MACROD1: variants seen among roughly 807,000 people sequenced by gnomAD.
MACROD1 encodes mono-ADP ribosylhydrolase 1, also known as ADP-ribose glycohydrolase MACROD1.
MACROD1 carries 31 observed loss-of-function variants against 41.4 expected under a neutral mutation model. That is an observed-to-expected ratio of 0.75 (90% confidence interval 0.56 to 1.01). The LOEUF (loss-of-function observed/expected upper bound fraction) is 1.01. Among genes scored for constraint, MACROD1 ranks in the 50% least tolerant of loss-of-function variants. MACROD1 has a pLI of 0.00. For missense variants in MACROD1, 473 were observed against 460.0 expected, an observed-to-expected ratio of 1.03 and a Z score of -0.26; for synonymous variants, 252 against 203.4, an observed-to-expected ratio of 1.24 and a Z score of -2.03.
At chr11:64,050,980 T>G (rs1280062450) in intron 3 of MACROD1, among the ~76,000 whole-genome samples, 1 of 152,228 alleles carries the variant, frequency 6.6e-6, no homozygotes, top group Non-Finnish European at 1.5e-5. Context: ...GCCTGTCCCC[T>G]GAGCCCCACT....
At chr11:63,999,611 C>T (rs1302402120) in intron 6 of MACROD1, 31 bp downstream of exon 6, 1 of 1,609,448 alleles carries the variant, frequency 6.2e-7, no homozygotes, top group Non-Finnish European at 8.5e-7. Context: ...TGCGCCCCGC[C>T]TCCCGCCCTC....
intron 3 of MACROD1, among the ~76,000 whole-genome samples, chr11:64,088,003 T>C (rs562416134): frequency 2.0e-5 from 3 of 152,136 alleles, no homozygotes; most frequent in African/African-American, 2.4e-5. Flanking sequence ...AGAGGGGCTG[T>C]GGTGTGGAAA....
intron 3 of MACROD1, among the ~76,000 whole-genome samples, chr11:64,110,555 A>AGCCAAGAATAAT (rs201072770): frequency 2.0e-5 from 3 of 152,074 alleles, no homozygotes; most frequent in Non-Finnish European, 4.4e-5. Context: ...CGACTGATAG[A>AGCCAAGAATAAT]GCCAAGAATA....
chr11:64,155,164 G>T (rs1286634684), intron 1 of MACROD1, among the ~76,000 whole-genome samples: 1 of 152,248 alleles, frequency 6.6e-6, no homozygotes, highest in Non-Finnish European at 1.5e-5. Flanking sequence ...CAAGACCAAA[G>T]GTTGAGGGCG....
intron 3 of MACROD1, among the ~76,000 whole-genome samples, chr11:64,057,248 G>A (rs1166841506): frequency 3.9e-5 from 6 of 152,234 alleles, no homozygotes; most frequent in East Asian, 3.8e-4. Context: ...CGTAGGGGAC[G>A]GGACAGCCCA....
At chr11:64,021,408 G>C (rs1285216305) in intron 3 of MACROD1, among the ~76,000 whole-genome samples, 3 of 152,248 alleles carry the variant, frequency 2.0e-5, no homozygotes, top group Non-Finnish European at 4.4e-5. Flanking sequence ...AGCCCAGGGA[G>C]GGGGGCTGCC....
chr11:64,091,219 C>T (rs960666848), intron 3 of MACROD1, among the ~76,000 whole-genome samples: 3 of 152,018 alleles, frequency 2.0e-5, no homozygotes, highest in Admixed American at 2.0e-4. Context: ...GTGGCAGCCT[C>T]CGCTGCAGGG....
At chr11:64,143,743 G>A (rs1292026669) in intron 3 of MACROD1, among the ~76,000 whole-genome samples, 1 of 71,482 alleles carries the variant, frequency 1.4e-5, no homozygotes, top group African/African-American at 8.9e-5. Flanking sequence ...CCCCAACCCC[G>A]ACACACACAT....
At position 64,090,514 on chromosome 11, in the gene MACROD1, C is replaced by T. The variant is rs532257475; in HGVS notation, c.517+60725G>A. ...GGCCAAATAACCACATTTGCTTCCCCGGGCCCTCCCTCGACCGGCTCTGCC... is the reference window on the plus strand; with the variant it reads ...GGCCAAATAACCACATTTGCTTCCCTGGGCCCTCCCTCGACCGGCTCTGCC... On this transcript the variant is annotated intron_variant, in intron 3 of 10. Coordinates refer to ENST00000255681, the MANE Select transcript of MACROD1 (RefSeq NM_014067.4). The surrounding 1 kb of genome is among the most constrained non-coding windows in gnomAD (Gnocchi z 4.7). Among the ~76,000 whole-genome samples the T allele has an allele frequency of 9.2e-5, 14 of 152,208 alleles. No homozygotes were observed. The highest frequency in any genetic ancestry group is 1.2e-4 in the Non-Finnish European group (8 of 67,998).
intron 3 of MACROD1, among the ~76,000 whole-genome samples, chr11:64,110,441 C>CT (rs1317838299): frequency 6.7e-6 from 1 of 148,834 alleles, no homozygotes; most frequent in East Asian, 2.0e-4. Flanking sequence ...CAGAGCGAGA[C>CT]TGTCTCAGAA....
At chr11:64,069,351 C>T (rs1944063749) in intron 3 of MACROD1, among the ~76,000 whole-genome samples, 1 of 152,168 alleles carries the variant, frequency 6.6e-6, no homozygotes, top group South Asian at 2.1e-4. Context: ...AGGAGGCTGC[C>T]AGAGGATGGG....
intron 1 of MACROD1, among the ~76,000 whole-genome samples, chr11:64,158,215 A>AGAGGATGGCTGGT (rs1945699247): frequency 6.6e-6 from 1 of 152,026 alleles, no homozygotes; most frequent in Non-Finnish European, 1.5e-5. Flanking sequence ...GTCACCAAGG[A>AGAGGATGGCTGGT]GAGGATGGCT....
At chr11:64,138,664 T>A in intron 3 of MACROD1, 1 of 510,132 alleles carries the variant, frequency 2.0e-6, no homozygotes, top group Non-Finnish European at 2.5e-6. Context: ...TTACCGCAAT[T>A]ACAATGTCCG....
chr11:64,125,807 T>C (rs1420888367), intron 3 of MACROD1, among the ~76,000 whole-genome samples: 1 of 152,220 alleles, frequency 6.6e-6, no homozygotes, highest in Non-Finnish European at 1.5e-5. Flanking sequence ...ACAGAGGCGC[T>C]GCAAGAAATC....
At chr11:64,033,820 G>A (rs1943324744) in intron 3 of MACROD1, among the ~76,000 whole-genome samples, 1 of 151,958 alleles carries the variant, frequency 6.6e-6, no homozygotes, top group African/African-American at 2.4e-5. Flanking sequence ...CAGCCTGGGC[G>A]ACAAGAGTGA....
intron 3 of MACROD1, among the ~76,000 whole-genome samples, chr11:64,086,555 G>A (rs1371356228): frequency 2.0e-5 from 3 of 152,104 alleles, no homozygotes; most frequent in African/African-American, 7.2e-5. Context: ...CAGCCACAAA[G>A]CCAGCCTTCC....
At position 64,000,523 on chromosome 11, in the gene MACROD1, G is replaced by T. The variant is rs554366492; in HGVS notation, c.548-180C>A. On this transcript the variant is annotated intron_variant, in intron 4 of 10. Coordinates refer to ENST00000255681, the MANE Select transcript of MACROD1 (RefSeq NM_014067.4). Reference sequence around the variant, plus strand: ...CCGCCCGGAATGTTTCACATCTGGGGAAACCGAGGCGCAGAGCGGGACGGC... The same window carrying T: ...CCGCCCGGAATGTTTCACATCTGGGTAAACCGAGGCGCAGAGCGGGACGGC... 6.4e-4 allele frequency among the ~76,000 whole-genome samples: 97 copies of T among 152,098 alleles called. 3 individuals carry two copies. The highest frequency in any genetic ancestry group is 3.3e-3 in the Admixed American group (51 of 15,308).
intron 3 of MACROD1, among the ~76,000 whole-genome samples, chr11:64,131,096 C>T (rs1309405681): frequency 1.3e-5 from 2 of 152,216 alleles, no homozygotes; most frequent in African/African-American, 4.8e-5. Context: ...TCTTGTGATG[C>T]AGGCGAGTGC....
At chr11:64,068,806 C>G (rs546499313) in intron 3 of MACROD1, among the ~76,000 whole-genome samples, 2 of 152,376 alleles carry the variant, frequency 1.3e-5, no homozygotes, top group East Asian at 1.9e-4. Context: ...GCTCCCCCAT[C>G]CTTTGTGGGC....
Sources: gnomAD v4.1 joint callset for allele counts (sites outside exome capture counted in the v4.1 genomes callset) on GRCh38, gnomAD v4.1.1 for gene constraint, Gnocchi (gnomAD v3.1) non-coding constraint, MANE v1.5 for transcripts, NCBI Gene and HGNC (gene_info 2026-07-23, HGNC 2026-07-21) for gene names.